Variants in GUCY2F observed in about 807,000 individuals in gnomAD.
GUCY2F encodes guanylate cyclase 2F, retinal, also known as retinal guanylyl cyclase 2.
GUCY2F carries 61 observed loss-of-function variants against 73.1 expected under a neutral mutation model. The ratio of observed to expected loss-of-function variants is 0.83; its 90% CI spans 0.68 to 1.03. GUCY2F has a LOEUF of 1.03. GUCY2F is among the 50% of genes least tolerant of loss of function. The pLI is 0.00. For synonymous variants in GUCY2F, 331 were observed against 307.8 expected (o/e 1.08, Z -0.79); for missense variants, 912 against 854.3 (o/e 1.07, Z -0.84).
At chrX:109,477,718 A>G (rs1239664833) in intron 1 of GUCY2F, among the ~76,000 whole-genome samples, 1 of 112,167 alleles carries the variant, frequency 8.9e-6, no homozygotes, top group Non-Finnish European at 1.9e-5. Context: ...GCTGATAATC[A>G]GCGCTGGTGT....
At chrX:109,421,596 G>T (rs927849947) in intron 8 of GUCY2F, among the ~76,000 whole-genome samples, 1 of 111,316 alleles carries the variant, frequency 9.0e-6, no homozygotes, top group African/African-American at 3.3e-5. Flanking sequence ...TAGAAAAGGG[G>T]AGATTTTCAA....
intron 2 of GUCY2F, among the ~76,000 whole-genome samples, chrX:109,471,590 C>T (rs1383200005): frequency 8.9e-6 from 1 of 112,539 alleles, no homozygotes; most frequent in Non-Finnish European, 1.9e-5. Context: ...TACATAACCA[C>T]ACACAGCAGC....
At chrX:109,398,842 C>CA (rs1930773094) in intron 10 of GUCY2F, 144 bp from the exon 11 acceptor site, 1 of 496,823 alleles carries the variant, frequency 2.0e-6, no homozygotes, top group Non-Finnish European at 3.3e-6. Context: ...CCCCATCCCC[C>CA]AGGGTCTGAA....
At chrX:109,469,304 C>A (rs1292396954) in intron 2 of GUCY2F, among the ~76,000 whole-genome samples, 5 of 111,498 alleles carry the variant, frequency 4.5e-5, no homozygotes, top group African/African-American at 1.6e-4. Flanking sequence ...ATTCCTATTT[C>A]TCTTCCTAAA....
At chrX:109,396,239 T>C (rs775500654) in intron 11 of GUCY2F, among the ~76,000 whole-genome samples, 16 of 111,205 alleles carry the variant, frequency 1.4e-4, no homozygotes, top group African/African-American at 5.2e-4. Context: ...TGTCTCAGAC[T>C]TCACGTGGGA....
intron 14 of GUCY2F, among the ~76,000 whole-genome samples, chrX:109,389,120 T>A (rs1930504135): frequency 8.9e-6 from 1 of 112,029 alleles, no homozygotes. Context: ...GAACATTCCC[T>A]CTGCTTTGCC....
chrX:109,465,660 G>C (rs1332322342), intron 2 of GUCY2F, among the ~76,000 whole-genome samples: 1 of 112,281 alleles, frequency 8.9e-6, no homozygotes, highest in African/African-American at 3.2e-5. Context: ...ACAGGCTGCA[G>C]AGCCTAATAC....
intron 2 of GUCY2F, among the ~76,000 whole-genome samples, chrX:109,474,783 C>A (rs1291632657): frequency 9.0e-6 from 1 of 111,563 alleles, no homozygotes; most frequent in African/African-American, 3.3e-5. Flanking sequence ...AGGAAAGTAT[C>A]CAGAAGGGAG....
At chrX:109,439,627 C>T (rs181364554) in intron 7 of GUCY2F, among the ~76,000 whole-genome samples, 235 of 111,309 alleles carry the variant, frequency 2.1e-3, no homozygotes, top group Non-Finnish European at 3.4e-3. Context: ...ACCCTGAATG[C>T]TTTGCTGCCT....
chrX:109,397,767 G>A (rs1014423916), intron 11 of GUCY2F, among the ~76,000 whole-genome samples: 2 of 110,900 alleles, frequency 1.8e-5, no homozygotes, highest in African/African-American at 6.6e-5. Flanking sequence ...ATTAGTCCTA[G>A]CCAGTTATTT....
At chrX:109,378,465 G>A (rs1380744021) in intron 17 of GUCY2F, among the ~76,000 whole-genome samples, 3 of 111,752 alleles carry the variant, frequency 2.7e-5, no homozygotes, top group Non-Finnish European at 5.6e-5. Context: ...GTGGACAAAC[G>A]AAAGCACAGA....
chrX:109,469,636 G>A (rs989948572), intron 2 of GUCY2F, among the ~76,000 whole-genome samples: 1 of 110,909 alleles, frequency 9.0e-6, no homozygotes, highest in African/African-American at 3.3e-5. Flanking sequence ...CTAACAGGGC[G>A]GGGAGGGGAG....
intron 3 of GUCY2F, among the ~76,000 whole-genome samples, chrX:109,455,532 CT>C (rs1476506088): frequency 6.3e-5 from 7 of 111,696 alleles, no homozygotes; most frequent in Non-Finnish European, 7.5e-5. Context: ...TATATGTCCC[CT>C]GTGGTCCCTT....
intron 8 of GUCY2F, among the ~76,000 whole-genome samples, chrX:109,412,216 T>C (rs938699712): frequency 2.7e-5 from 3 of 111,889 alleles, no homozygotes; most frequent in Non-Finnish European, 5.6e-5. Context: ...GAGATGTATT[T>C]TGGAGCTATA....
chrX:109,377,230 G>A (rs1930200843), intron 17 of GUCY2F, among the ~76,000 whole-genome samples: 2 of 111,598 alleles, frequency 1.8e-5, no homozygotes, highest in African/African-American at 6.5e-5. Flanking sequence ...CCTTCTATGA[G>A]GCAAGTAGAA....
Position 109,453,859 on chromosome X carries a change from C to T in GUCY2F, c.1033G>A (p.Val345Ile), listed in dbSNP as rs765200764. 11 of 1,102,732 alleles carry T rather than the reference C, an allele frequency of 1.0e-5. No individual in the cohort carries two copies. In the Admixed American group the frequency reaches 1.8e-4, roughly 18 times the overall value. 90.9% of individuals were successfully genotyped at this position (1,102,732 alleles called of 1,213,427 possible). A position where few individuals can be genotyped will look rare whatever the true frequency, so the allele number is the denominator to read the frequency against. The change falls in exon 4 of 20, where the codon GTT becomes ATT. Residue 345 changes from valine to isoleucine, a missense_variant and splice_region_variant. By Grantham distance (29) the Val-to-Ile change is conservative (BLOSUM62 3). Transcript: ENST00000218006. ...TAGATGGTTCCAAACAACGGTGAAA[C>T]CTATTTTTAAAAATTACAATTATCT... The part of the protein sequence containing the change: ...EIPEKLEFDQ[V>I]SPLFGTIYNS...
rs1047076099 is a variant in GUCY2F at position 109,447,996 on chromosome X, A to G, written c.1569+73T>C. On this transcript the variant is annotated intron_variant, in intron 6 of 19. Transcript: ENST00000218006. ...CACAATTCAGACTAGCCACACGTCA[A>G]GTGCTGAGTAATTATTTGTGGCTTG... is the stretch of plus-strand genomic sequence containing the variant. 7 of 545,762 alleles carry G rather than the reference A, an allele frequency of 1.3e-5. No individual in the cohort carries two copies. The African/African-American group carries it at 1.6e-4, about 12-fold the overall frequency. 45.0% of individuals were successfully genotyped at this position (545,762 alleles called of 1,213,427 possible).
chrX:109,425,265 A>G (rs759042726), intron 8 of GUCY2F, among the ~76,000 whole-genome samples: 206 of 111,126 alleles, frequency 1.9e-3, no homozygotes, highest in African/African-American at 6.6e-3. Flanking sequence ...TTACAGCAGC[A>G]CAATTTGCAA....
At chrX:109,405,030 T>C (rs1336203625) in intron 9 of GUCY2F, among the ~76,000 whole-genome samples, 1 of 112,359 alleles carries the variant, frequency 8.9e-6, no homozygotes, top group Non-Finnish European at 1.9e-5. Context: ...GGAAATGCAC[T>C]AAATATCAAT....
Sources: allele counts gnomAD v4.1 joint callset (sites outside exome capture counted in the v4.1 genomes callset), GRCh38; gene constraint gnomAD v4.1.1; transcripts MANE v1.5; gene names NCBI Gene and HGNC (gene_info 2026-07-23, HGNC 2026-07-21).